RFX7: variants seen among roughly 807,000 people sequenced by gnomAD.
RFX7 encodes DNA-binding protein RFX7.
RFX7 carries 26 observed loss-of-function variants against 111.8 expected under a neutral mutation model. The observed-to-expected ratio is 0.23, with a 90% confidence interval of 0.17 to 0.32. The LOEUF is 0.32. RFX7 is among the 10% of genes least tolerant of loss of function. The probability of loss-of-function intolerance (pLI) is 1.00; values close to 1 mark genes in which losing one functional copy is unlikely to be tolerated. For missense variants in RFX7, 1,573 were observed against 1,772.9 expected (o/e 0.89, Z 2.02); for synonymous variants, 624 against 624.4 (o/e 1.00, Z 0.01).
chr15:56,151,327 C>T (rs2042566374), intron 3 of RFX7, among the ~76,000 whole-genome samples: 1 of 152,154 alleles, frequency 6.6e-6, no homozygotes, highest in Non-Finnish European at 1.5e-5. Context: ...AGGTTACCCA[C>T]AAAGGGAAGC....
At chr15:56,231,945 C>T (rs1239825394) in intron 2 of RFX7, among the ~76,000 whole-genome samples, 2 of 152,242 alleles carry the variant, frequency 1.3e-5, no homozygotes, top group Admixed American at 6.5e-5. Flanking sequence ...CCAAAATGAT[C>T]TCCTTTGACT....
At chr15:56,110,059 G>T in intron 5 of RFX7, among the ~76,000 whole-genome samples, 1 of 121,878 alleles carries the variant, frequency 8.2e-6, no homozygotes. Context: ...GAGCCCCTCT[G>T]CCCAGCCAGC....
intron 5 of RFX7, among the ~76,000 whole-genome samples, chr15:56,110,285 C>T (rs866578407): frequency 2.4e-4 from 22 of 92,260 alleles, no homozygotes; most frequent in Admixed American, 7.2e-4. Context: ...GTCAGCCCCC[C>T]GCCTGGCCAG....
intron 2 of RFX7, among the ~76,000 whole-genome samples, chr15:56,193,416 A>T (rs1474363807): frequency 3.9e-5 from 6 of 152,232 alleles, no homozygotes; most frequent in Non-Finnish European, 5.9e-5. Context: ...TGTTCAAATG[A>T]CAATGTATGC....
At chr15:56,168,817 A>G (rs1187872240) in intron 3 of RFX7, among the ~76,000 whole-genome samples, 1 of 152,192 alleles carries the variant, frequency 6.6e-6, no homozygotes, top group African/African-American at 2.4e-5. Flanking sequence ...TTCCTGCCTT[A>G]GTCTTTGGAC....
At chr15:56,108,094 C>T (rs1246732148) in intron 5 of RFX7, among the ~76,000 whole-genome samples, 1 of 152,140 alleles carries the variant, frequency 6.6e-6, no homozygotes, top group African/African-American at 2.4e-5. Context: ...AGCCCAGGAC[C>T]AGATGGACTC....
At chr15:56,112,223 C>T (rs1367571325) in intron 5 of RFX7, among the ~76,000 whole-genome samples, 1 of 151,790 alleles carries the variant, frequency 6.6e-6, no homozygotes, top group Non-Finnish European at 1.5e-5. Context: ...TGGTAGAGCT[C>T]TCTTCAAACA....
At chr15:56,115,428 G>A (rs960816610) in intron 5 of RFX7, among the ~76,000 whole-genome samples, 5 of 152,130 alleles carry the variant, frequency 3.3e-5, no homozygotes, top group Admixed American at 6.6e-5. Flanking sequence ...TAGTTGACAC[G>A]TGTGTGGTGG....
At chr15:56,244,695 C>T (rs1177799748), upstream of RFX7, among the ~76,000 whole-genome samples, 3 of 151,572 alleles carry the variant, frequency 2.0e-5, no homozygotes, top group Non-Finnish European at 4.4e-5. Context: ...GCAGCCAAGG[C>T]CACTGCCTGC....
chr15:56,220,915 G>A (rs1175849751), intron 2 of RFX7, among the ~76,000 whole-genome samples: 1 of 152,196 alleles, frequency 6.6e-6, no homozygotes, highest in Non-Finnish European at 1.5e-5. Flanking sequence ...AGTTATCCTA[G>A]CAACATTTAT....
intron 2 of RFX7, among the ~76,000 whole-genome samples, chr15:56,242,640 T>C (rs1596033967): frequency 6.6e-6 from 1 of 152,154 alleles, no homozygotes; most frequent in Non-Finnish European, 1.5e-5. Context: ...CATTCAGAAA[T>C]AGCAGCTAAC....
intron 5 of RFX7, among the ~76,000 whole-genome samples, chr15:56,140,612 A>G (rs1239077267): frequency 1.3e-5 from 2 of 152,306 alleles, no homozygotes; most frequent in Non-Finnish European, 2.9e-5. Flanking sequence ...CTATTCGGCC[A>G]TCTTGGCTCC....
chr15:56,101,639 G>T, intron 7 of RFX7, 73 bp from the exon 8 acceptor site: 1 of 1,293,438 alleles, frequency 7.7e-7, no homozygotes, highest in Non-Finnish European at 1.1e-6. Flanking sequence ...TTAAAGATAT[G>T]TATTCTTAAT....
Position 56,183,032 on chromosome 15 carries a change from T to G in RFX7, c.162-3729A>C, listed in dbSNP as rs142426663. On this transcript the variant is annotated intron_variant, in intron 2 of 9. Coordinates refer to ENST00000559447, the MANE Select transcript of RFX7 (RefSeq NM_022841.7). ...CATGATATAGGTAATACATATATAC[T>G]AAAAAGTTACTATTCCAATGGGCAT... Among the ~76,000 whole-genome samples, 1,093 of 152,246 alleles carry G rather than the reference T, an allele frequency of 7.2e-3. 10 individuals carry two copies. Among genetic ancestry groups the G allele is most frequent in the African/African-American group, 0.025 (1,048 of 41,560 alleles).
intron 2 of RFX7, among the ~76,000 whole-genome samples, chr15:56,206,250 C>T (rs2043250898): frequency 1.3e-5 from 2 of 151,976 alleles, no homozygotes; most frequent in South Asian, 2.1e-4. Context: ...TATTATTCAT[C>T]AGACATAAAA....
intron 3 of RFX7, among the ~76,000 whole-genome samples, chr15:56,153,324 A>T (rs190183517): frequency 2.3e-4 from 35 of 152,354 alleles, no homozygotes; most frequent in African/African-American, 7.9e-4. Context: ...AAATACAGGC[A>T]AACCGAATCC....
chr15:56,221,140 G>A (rs965174893), intron 2 of RFX7, among the ~76,000 whole-genome samples: 1 of 152,164 alleles, frequency 6.6e-6, no homozygotes, highest in African/African-American at 2.4e-5. Flanking sequence ...TGTTCATTTT[G>A]CTTAGGATTG....
Position 56,088,105 on chromosome 15 carries a change from G to A in RFX7, c.*5240C>T, listed in dbSNP as rs1266949277. On this transcript the variant is annotated 3_prime_UTR_variant, in exon 10 of 10. Transcript: ENST00000559447. ...GAATTGTTGACATATAAGGATGGGA[G>A]GTTAAATAAAGAACTCCACAAAAAT... 2.5e-5 allele frequency: 5 copies of A among 199,272 alleles called. No homozygotes were observed. Among genetic ancestry groups the A allele is most frequent in the South Asian group, 1.4e-4 (2 of 14,626 alleles). The allele number at this position is 199,272 out of a possible 1,614,324, so 12.3% of individuals were successfully genotyped here.
chr15:56,210,003 A>G (rs1340168700), intron 2 of RFX7, among the ~76,000 whole-genome samples: 1 of 151,976 alleles, frequency 6.6e-6, no homozygotes, highest in Non-Finnish European at 1.5e-5. Context: ...TTGAATGTCA[A>G]TGGTCTAAAT....
Sources: gnomAD v4.1 joint callset for allele counts (sites outside exome capture counted in the v4.1 genomes callset) on GRCh38, gnomAD v4.1.1 for gene constraint, MANE v1.5 for transcripts, NCBI Gene and HGNC (gene_info 2026-07-23, HGNC 2026-07-21) for gene names.